Variants in PCED1B observed in about 807,000 individuals in gnomAD.
The protein encoded by PCED1B is PC-esterase domain containing 1B.
For missense variants in PCED1B, 573 were observed against 573.9 expected, an observed-to-expected ratio of 1.00 and a Z score of 0.02; for synonymous variants, 251 against 246.1, an observed-to-expected ratio of 1.02 and a Z score of -0.19.
chr12:47,134,378 TTTC>T (rs1311158490), intron 2 of PCED1B, among the ~76,000 whole-genome samples: 1 of 152,194 alleles, frequency 6.6e-6, no homozygotes, highest in Admixed American at 6.5e-5. Flanking sequence ...TTCAATTATT[TTTC>T]TTCAATTCAG....
intron 2 of PCED1B, among the ~76,000 whole-genome samples, chr12:47,155,263 C>T (rs1176426917): frequency 6.6e-6 from 1 of 152,174 alleles, no homozygotes; most frequent in African/African-American, 2.4e-5. Context: ...TTCATCTAAT[C>T]TAAGATTTTC....
intron 2 of PCED1B, among the ~76,000 whole-genome samples, chr12:47,144,781 G>A (rs371667622): frequency 7.2e-5 from 11 of 152,172 alleles, no homozygotes; most frequent in African/African-American, 1.9e-4. Flanking sequence ...ATCAACAAAC[G>A]TTGTGTGTGT....
intron 2 of PCED1B, among the ~76,000 whole-genome samples, chr12:47,198,212 T>A (rs1260125963): frequency 2.0e-5 from 3 of 152,206 alleles, no homozygotes; most frequent in Non-Finnish European, 4.4e-5. Context: ...AAATGCTTTT[T>A]TTTCGAGGTA....
chr12:47,129,396 G>A (rs1940024081), intron 2 of PCED1B, among the ~76,000 whole-genome samples: 1 of 152,128 alleles, frequency 6.6e-6, no homozygotes, highest in South Asian at 2.1e-4. Context: ...GGCTGAGGTA[G>A]GAGGATCGCT....
At chr12:47,088,579 C>G (rs1285490298) in intron 1 of PCED1B, among the ~76,000 whole-genome samples, 1 of 152,096 alleles carries the variant, frequency 6.6e-6, no homozygotes, top group Non-Finnish European at 1.5e-5. Context: ...GCATGGAAAG[C>G]AAAATAAATA....
chr12:47,108,788 GGCATGGCA>G (rs1483414413), intron 2 of PCED1B, among the ~76,000 whole-genome samples: 2 of 152,084 alleles, frequency 1.3e-5, no homozygotes, highest in Admixed American at 6.5e-5. Flanking sequence ...TTAATGGCTA[GGCATGGCA>G]GCTCACACCT....
intron 2 of PCED1B, chr12:47,135,708 G>T (rs1387868038): frequency 1.9e-6 from 1 of 531,368 alleles, no homozygotes; most frequent in Non-Finnish European, 3.8e-6. Flanking sequence ...CTTGAAGAGG[G>T]TGTTGAATAG....
At chr12:47,221,113 T>G (rs1293473071) in intron 3 of PCED1B, among the ~76,000 whole-genome samples, 1 of 152,094 alleles carries the variant, frequency 6.6e-6, no homozygotes, top group Non-Finnish European at 1.5e-5. Flanking sequence ...CATATAAAAT[T>G]AAAACTATAC....
chr12:47,236,155 T>A lies in PCED1B; in HGVS notation c.1092T>A (p.His364Gln), dbSNP rs1439042930. The A allele has an allele frequency of 6.2e-7, 1 of 1,614,004 alleles. No individual in the cohort carries two copies. The highest frequency in any genetic ancestry group is 1.3e-5 in the African/African-American group (1 of 74,916). Residue 364 changes from histidine to glutamine, a missense_variant, in exon 4 of 4, where the codon CAT becomes CAA. Transcript: ENST00000546455. ...ATTCAGATGTCCCCTCATCAGCCCA[T>A]GCAGGTTTCTTCGTCGAAGACAATT... ...YCHSDVPSSAHAGFFVEDNFM... is the reference protein window; with the variant it reads ...YCHSDVPSSAQAGFFVEDNFM...
At chr12:47,212,285 A>C (rs1223694122) in intron 2 of PCED1B, among the ~76,000 whole-genome samples, 2 of 152,114 alleles carry the variant, frequency 1.3e-5, no homozygotes, top group African/African-American at 4.8e-5. Flanking sequence ...TGTCTCAAAA[A>C]ACAAAAAGAA....
chr12:47,083,550 G>A (rs766964276), intron 1 of PCED1B, among the ~76,000 whole-genome samples: 1 of 152,174 alleles, frequency 6.6e-6, no homozygotes, highest in Non-Finnish European at 1.5e-5. Flanking sequence ...ACAGCATCCT[G>A]TTCTTCTCTT....
intron 2 of PCED1B, among the ~76,000 whole-genome samples, chr12:47,131,429 A>G (rs1525445): frequency 1 from 152,301 of 152,320 alleles, 76,141 homozygotes; most frequent in Non-Finnish European, 1. Context: ...ACTTGTTAGG[A>G]TAAATGTGTA....
chr12:47,164,510 C>A (rs191474339), intron 2 of PCED1B, among the ~76,000 whole-genome samples: 1 of 152,342 alleles, frequency 6.6e-6, no homozygotes, highest in East Asian at 1.9e-4. Flanking sequence ...CTCAGAAAGC[C>A]CCACCTCAAT....
intron 2 of PCED1B, among the ~76,000 whole-genome samples, chr12:47,120,688 G>A (rs1939639130): frequency 1.3e-5 from 2 of 152,222 alleles, no homozygotes; most frequent in African/African-American, 2.4e-5. Flanking sequence ...TGTAATTCCA[G>A]CTACTCGAGA....
At chr12:47,129,604 T>A (rs1940037613) in intron 2 of PCED1B, among the ~76,000 whole-genome samples, 1 of 152,140 alleles carries the variant, frequency 6.6e-6, no homozygotes, top group African/African-American at 2.4e-5. Context: ...AAAAAAATTT[T>A]TTTAAAGAAA....
At chr12:47,228,534 C>T (rs1294696425) in intron 3 of PCED1B, among the ~76,000 whole-genome samples, 3 of 152,074 alleles carry the variant, frequency 2.0e-5, no homozygotes, top group African/African-American at 7.2e-5. Flanking sequence ...AATCTTAGCT[C>T]TATCACATCA....
chr12:47,120,407 T>C (rs1003356996), intron 2 of PCED1B, among the ~76,000 whole-genome samples: 8 of 151,924 alleles, frequency 5.3e-5, no homozygotes, highest in Admixed American at 4.6e-4. Flanking sequence ...TTATTTATAA[T>C]AGAAAAAAAG....
intron 2 of PCED1B, among the ~76,000 whole-genome samples, chr12:47,166,987 A>G (rs1941565318): frequency 6.6e-6 from 1 of 152,218 alleles, no homozygotes; most frequent in Non-Finnish European, 1.5e-5. Flanking sequence ...CATTTTTAGC[A>G]AAATAAAGGA....
chr12:47,139,531 C>T (rs1382745948), intron 2 of PCED1B, among the ~76,000 whole-genome samples: 2 of 152,044 alleles, frequency 1.3e-5, no homozygotes, highest in Non-Finnish European at 2.9e-5. Context: ...AAGAGGAAGG[C>T]GTAGCTCAAG....
Sources: gnomAD v4.1 joint callset for allele counts (sites outside exome capture counted in the v4.1 genomes callset) on GRCh38, gnomAD v4.1.1 for gene constraint, MANE v1.5 for transcripts, NCBI Gene and HGNC (gene_info 2026-07-23, HGNC 2026-07-21) for gene names.